The following SAMD9 variants were observed in gnomAD, a reference collection of about 807,000 sequenced individuals.
The protein encoded by SAMD9 is sterile alpha motif domain-containing protein 9.
A neutral mutation model predicts 1.5 loss-of-function variants in SAMD9; 3 were observed. That is an observed-to-expected ratio of 2.05 (90% CI 0.93 to 5.29). The LOEUF (loss-of-function observed/expected upper bound fraction) is 5.29, where lower values mean the gene tolerates loss of function less well. Among genes scored for constraint, SAMD9 ranks in the 30% most tolerant of loss-of-function variants. The pLI is 0.02. For synonymous variants in SAMD9, 635 were observed against 631.9 expected (o/e 1.00, Z -0.07); for missense variants, 1,597 against 1,820.8 (o/e 0.88, Z 2.24).
At position 93,105,352 on chromosome 7, in the gene SAMD9, C is replaced by A; in HGVS notation, c.746G>T (p.Gly249Val). ...VKDKPHGKIV[G>V]IKVTNDTKEA... ...CTTGGTATCATTGGTGACTTTGATGCCAACAATTTTCCCATGGGGTTTGTC... is the reference window on the plus strand; with the variant it reads ...CTTGGTATCATTGGTGACTTTGATGACAACAATTTTCCCATGGGGTTTGTC... Residue 249 changes from glycine to valine, a missense_variant, in exon 3 of 3, where the codon GGC becomes GTC. Gly to Val is a moderately radical substitution (Grantham distance 109). Around this residue, in one of 6 missense-constraint regions of SAMD9, gnomAD observed 498 missense variants for 457.4 expected, o/e 1.09. Transcript: ENST00000379958. The A allele has an allele frequency of 6.2e-7, 1 of 1,613,904 alleles. No individual in the cohort carries two copies. The highest frequency in any genetic ancestry group is 8.5e-7 in the Non-Finnish European group (1 of 1,179,962).
At position 93,105,466 on chromosome 7, in the gene SAMD9, A is replaced by T. The variant is rs1791621598; in HGVS notation, c.632T>A (p.Val211Asp). ...AACCTCATTGCTAAATTTCATCTTG[A>T]CATCCTCTTCTGTGGCTGTTGCTGT... ...TNTATATEED[V>D]KMKFSNEVFR... Residue 211 changes from valine (V) to aspartate (D), a missense_variant, in exon 3 of 3, where the codon GTC (valine) becomes GAC (aspartate). Coordinates refer to ENST00000379958, the MANE Select transcript of SAMD9 (RefSeq NM_017654.4). 2.5e-6 allele frequency: 4 copies of T among 1,613,934 alleles called. No homozygotes were observed. The Admixed American group carries it at 6.7e-5, about 27-fold the overall frequency.
intron 1 of SAMD9, among the ~76,000 whole-genome samples, chr7:93,115,697 A>G (rs1260424351): frequency 6.6e-6 from 1 of 152,240 alleles, no homozygotes; most frequent in Non-Finnish European, 1.5e-5. Flanking sequence ...TCCAAAATAC[A>G]TTAGAAAATA....
chr7:93,108,044 T>C (rs1791673716), intron 2 of SAMD9, among the ~76,000 whole-genome samples: 1 of 152,202 alleles, frequency 6.6e-6, no homozygotes, highest in Non-Finnish European at 1.5e-5. Context: ...AAATGCTGCA[T>C]ATAAAGAGTT....
Position 93,103,190 on chromosome 7 carries a change from T to C in SAMD9, c.2908A>G (p.Thr970Ala). The C allele has an allele frequency of 6.2e-7, 1 of 1,613,812 alleles. No individual in the cohort carries two copies. The highest frequency in any genetic ancestry group is 8.5e-7 in the Non-Finnish European group (1 of 1,179,748). ...MGTYSTILIK[T>A]EVIECGNYCG... ...TAGTTCCCACATTCGATGACCTCTG[T>C]TTTTATCAGAATTGTAGAGTAGGTG... Residue 970 changes from threonine (T) to alanine (A), a missense_variant, in exon 3 of 3, where the codon ACA becomes GCA. Transcript: ENST00000379958.
rs778402017 is a variant in SAMD9 at position 93,103,986 on chromosome 7, AG to A, written c.2111del (p.Pro704LeufsTer14). 13 of 1,613,642 alleles carry A rather than the reference AG, an allele frequency of 8.1e-6. No individual in the cohort carries two copies. In the East Asian group the frequency reaches 2.9e-4, roughly 36 times the overall value. ...FYFSSESYSS[P>X]FVKRDKYERL... ...TTTCATATTTATCCCTTTTGACAAA[AG>A]GTGAAGAATAACTTTCAGAAGAGAA... On this transcript the variant is annotated frameshift_variant, in exon 3 of 3. Coordinates refer to ENST00000379958, the MANE Select transcript of SAMD9 (RefSeq NM_017654.4). LOFTEE classifies it low-confidence loss of function (END_TRUNC).
chr7:93,105,031 T>A lies in SAMD9; in HGVS notation c.1067A>T (p.Lys356Ile). Residue 356 changes from lysine to isoleucine, a missense_variant, in exon 3 of 3, where the codon AAA (lysine) becomes ATA (isoleucine). Lys to Ile is a moderately radical substitution (Grantham distance 102, BLOSUM62 -3). Coordinates refer to ENST00000379958, the MANE Select transcript of SAMD9 (RefSeq NM_017654.4). ...GTSSKDITKN[K>I]VDFRAFKADF... ...TGCTTTAAATGCTCTGAAATCAACT[T>A]TATTTTTCGTAATGTCCTTAGAGCT... 2 of 1,613,966 alleles carry A rather than the reference T, an allele frequency of 1.2e-6. No individual in the cohort carries two copies.
chr7:93,112,745 A>G (rs1290934513), intron 2 of SAMD9, among the ~76,000 whole-genome samples: 1 of 152,224 alleles, frequency 6.6e-6, no homozygotes, highest in Non-Finnish European at 1.5e-5. Flanking sequence ...CCAACTTACA[A>G]GGGATGTGAA....
In SAMD9 at chr7:93,105,810, A is replaced by G. The variant is rs1289320705; in HGVS notation, c.288T>C (p.Pro96=). 1 of 1,614,016 alleles carries G rather than the reference A, an allele frequency of 6.2e-7. No individual in the cohort carries two copies. Among genetic ancestry groups the G allele is most frequent in the Admixed American group, 1.7e-5 (1 of 60,006 alleles). Residue 96 remains proline, a synonymous_variant, in exon 3 of 3, where the codon CCT becomes CCC. Transcript: ENST00000379958. ...CCTTTTGAGACACAGTTTGGTCTTT[A>G]GGAGCATTTTTACTGGGCTTTCCCA... ...SKMGKPSKNA[P]KDQTVSQKER... is the part of the protein sequence containing the mutation.
In SAMD9 at chr7:93,102,999, T is replaced by A; in HGVS notation, c.3099A>T (p.Thr1033=). ...CATCGCGGTGTCTTGTGAGTAGGAGTGTGTGCATATCTTGCAAAAATTTAC... is the reference window on the plus strand; with the variant it reads ...CATCGCGGTGTCTTGTGAGTAGGAGAGTGTGCATATCTTGCAAAAATTTAC... ...GKSKFLQDMH[T]LLLTRHRDEH... Residue 1033 remains threonine (T), a synonymous_variant, in exon 3 of 3, where the codon ACA becomes ACT. Transcript: ENST00000379958. 6.2e-7 allele frequency: 1 copy of A among 1,613,800 alleles called. No individual in the cohort carries two copies. The highest frequency in any genetic ancestry group is 2.2e-5 in the East Asian group (1 of 44,878).
chr7:93,104,761 G>A lies in SAMD9; in HGVS notation c.1337C>T (p.Ser446Phe), dbSNP rs778205005. The A allele has an allele frequency of 6.2e-7, 1 of 1,613,776 alleles. No individual in the cohort carries two copies. The highest frequency in any genetic ancestry group is 2.2e-5 in the East Asian group (1 of 44,858). The change falls in exon 3 of 3, where the codon TCT becomes TTT. Residue 446 changes from serine to phenylalanine, a missense_variant. Physicochemically the swap from Ser to Phe is radical, Grantham distance 155. Coordinates refer to ENST00000379958, the MANE Select transcript of SAMD9 (RefSeq NM_017654.4). ...AGCTTTGACCACTCCATTGATGTTA[G>A]ACTCAGGATCAAACTCCAATACAGC... ...WFAVLEFDPESNINGVVKAYK... is the reference protein window; with the variant it reads ...WFAVLEFDPEFNINGVVKAYK...
In SAMD9 at chr7:93,105,920, T is replaced by C; in HGVS notation, c.178A>G (p.Thr60Ala). 6.2e-7 allele frequency: 1 copy of C among 1,613,550 alleles called. No individual in the cohort carries two copies. Among genetic ancestry groups the C allele is most frequent in the Non-Finnish European group, 8.5e-7 (1 of 1,179,732 alleles). The change falls in exon 3 of 3, where the codon ACA becomes GCA. Residue 60 changes from threonine (T) to alanine (A), a missense_variant. Coordinates refer to ENST00000379958, the MANE Select transcript of SAMD9 (RefSeq NM_017654.4). ...KKEHLVDMGITHGPAIQIEEL... is the reference protein window; with the variant it reads ...KKEHLVDMGIAHGPAIQIEEL... ...TCTATTTGAATAGCTGGTCCATGTG[T>C]GATGCCCATATCAACAAGATGTTCT...
intron 2 of SAMD9, among the ~76,000 whole-genome samples, chr7:93,112,749 A>G (rs1335502539): frequency 6.6e-6 from 1 of 152,216 alleles, no homozygotes; most frequent in Non-Finnish European, 1.5e-5. Flanking sequence ...CTTACAAGGG[A>G]TGTGAAAGAC....
At chr7:93,114,127 G>A (rs1012203029) in intron 2 of SAMD9, among the ~76,000 whole-genome samples, 3 of 152,064 alleles carry the variant, frequency 2.0e-5, no homozygotes, top group Non-Finnish European at 4.4e-5. Flanking sequence ...CCTTAAAAAA[G>A]GATGAGTTCA....
chr7:93,107,087 G>A (rs1251481765), intron 2 of SAMD9, among the ~76,000 whole-genome samples: 1 of 151,568 alleles, frequency 6.6e-6, no homozygotes, highest in East Asian at 1.9e-4. Context: ...GTTGCCCAGG[G>A]TGGAGTGCAA....
Position 93,105,011 on chromosome 7 carries a change from T to C in SAMD9, c.1087A>G (p.Lys363Glu). Residue 363 changes from lysine (K) to glutamate (E), a missense_variant, in exon 3 of 3, where the codon AAA (lysine) becomes GAA (glutamate). Physicochemically the swap from Lys to Glu is moderately conservative, Grantham distance 56. Transcript: ENST00000379958. Reference sequence around the variant, plus strand: ...TCTGCCAGTGTTTTAAAATCTGCTTTAAATGCTCTGAAATCAACTTTATTT... The same window carrying C: ...TCTGCCAGTGTTTTAAAATCTGCTTCAAATGCTCTGAAATCAACTTTATTT... ...TKNKVDFRAFKADFKTLAESR... is the reference protein window; with the variant it reads ...TKNKVDFRAFEADFKTLAESR... 1 of 1,613,882 alleles carries C rather than the reference T, an allele frequency of 6.2e-7. No homozygotes were observed. The highest frequency in any genetic ancestry group is 8.5e-7 in the Non-Finnish European group (1 of 1,179,956).
intron 1 of SAMD9, among the ~76,000 whole-genome samples, chr7:93,117,258 T>G (rs1446727709): frequency 1.3e-5 from 2 of 150,504 alleles, no homozygotes; most frequent in African/African-American, 4.9e-5. Context: ...TATCTTTCCG[T>G]TTGTTGTTGT....
chr7:93,108,186 C>T (rs1474941726), intron 2 of SAMD9, among the ~76,000 whole-genome samples: 1 of 152,184 alleles, frequency 6.6e-6, no homozygotes, highest in African/African-American at 2.4e-5. Flanking sequence ...AAGGCTTCTG[C>T]TGTGTGTGCG....
rs959539987 is a variant in SAMD9 at position 93,101,029 on chromosome 7, C to T, written c.*299G>A. The T allele has an allele frequency of 2.8e-5, 11 of 395,096 alleles. No homozygotes were observed. Among genetic ancestry groups the T allele is most frequent in the Middle Eastern group, 7.5e-4 (1 of 1,332 alleles). 24.5% of individuals were successfully genotyped at this position (395,096 alleles called of 1,614,324 possible). ...TGGTAAGTAGTGGGGTTCTGTGTAG[C>T]CAGCTTATTACACTAACTTCTCCTG... On this transcript the variant is annotated 3_prime_UTR_variant, in exon 3 of 3. Coordinates refer to ENST00000379958, the MANE Select transcript of SAMD9 (RefSeq NM_017654.4).
intron 2 of SAMD9, among the ~76,000 whole-genome samples, chr7:93,110,150 A>G (rs1337517876): frequency 2.6e-5 from 4 of 152,238 alleles, no homozygotes; most frequent in Non-Finnish European, 5.9e-5. Flanking sequence ...GGGGGCCAAT[A>G]TTAAACATTC....
Sources: gnomAD v4.1 joint callset for allele counts (sites outside exome capture counted in the v4.1 genomes callset) on GRCh38, gnomAD v4.1.1 for gene constraint, gnomAD v4.1.1 regional missense constraint, MANE v1.5 for transcripts, NCBI Gene and HGNC (gene_info 2026-07-23, HGNC 2026-07-21) for gene names.